The following NADSYN1 variants were observed in gnomAD, a reference collection of about 807,000 sequenced individuals.
NADSYN1 encodes the protein glutamine-dependent NAD(+) synthetase.
A neutral mutation model predicts 99.3 loss-of-function variants in NADSYN1; 80 were observed. That is an observed-to-expected ratio of 0.81 (90% CI 0.67 to 0.97). NADSYN1 has a LOEUF of 0.97. Ranked by LOEUF, NADSYN1 falls within the 50% of genes least tolerant of loss-of-function variation. The pLI, the probability that NADSYN1 is intolerant of heterozygous loss-of-function variation, is 0.00. For synonymous variants in NADSYN1, 385 were observed against 372.1 expected (o/e 1.03, Z -0.40); for missense variants, 859 against 948.5 (o/e 0.91, Z 1.24).
intron 9 of NADSYN1, chr11:71,476,160 C>T (rs1273672841): frequency 2.2e-6 from 1 of 455,404 alleles, no homozygotes; most frequent in African/African-American, 2.0e-5. Flanking sequence ...CTCTCGGGCT[C>T]AGACCACACG....
At chr11:71,488,036 T>A (rs1370433489) in intron 16 of NADSYN1, among the ~76,000 whole-genome samples, 4 of 152,118 alleles carry the variant, frequency 2.6e-5, no homozygotes, top group Non-Finnish European at 5.9e-5. Flanking sequence ...AGTCCTTCTC[T>A]TCCTCTGTGT....
chr11:71,453,766 A>C (rs1345267478), intron 1 of NADSYN1, among the ~76,000 whole-genome samples: 2 of 152,098 alleles, frequency 1.3e-5, no homozygotes, highest in Admixed American at 6.5e-5. Context: ...CAGAGGCCAG[A>C]GATTGATGGT....
At chr11:71,471,229 C>T (rs1949624874) in intron 5 of NADSYN1, among the ~76,000 whole-genome samples, 1 of 152,200 alleles carries the variant, frequency 6.6e-6, no homozygotes, top group Non-Finnish European at 1.5e-5. Flanking sequence ...GAAGGTGAGG[C>T]TGGAGCCCAC....
At chr11:71,467,240 G>A (rs545678442) in intron 5 of NADSYN1, among the ~76,000 whole-genome samples, 1 of 152,296 alleles carries the variant, frequency 6.6e-6, no homozygotes, top group African/African-American at 2.4e-5. Flanking sequence ...TTCAGGAAGT[G>A]TCCAGTCTCC....
chr11:71,458,379 C>A, intron 2 of NADSYN1, 49 bp from the exon 3 acceptor site: 1 of 1,457,052 alleles, frequency 6.9e-7, no homozygotes, highest in South Asian at 1.1e-5. Context: ...CTGCCCCTCC[C>A]CGCTCACCTG....
At chr11:71,495,732 G>A (rs1400636161) in intron 18 of NADSYN1, among the ~76,000 whole-genome samples, 1 of 152,252 alleles carries the variant, frequency 6.6e-6, no homozygotes. Context: ...CCCGTCAGGT[G>A]CTGGGGACCC....
chr11:71,489,382 C>G (rs1364573312), intron 16 of NADSYN1, among the ~76,000 whole-genome samples: 1 of 152,152 alleles, frequency 6.6e-6, no homozygotes, highest in Non-Finnish European at 1.5e-5. Context: ...TCCCCATGGT[C>G]CCCACTTCCT....
intron 5 of NADSYN1, among the ~76,000 whole-genome samples, chr11:71,467,382 G>C (rs1350172572): frequency 1.3e-5 from 2 of 152,162 alleles, no homozygotes; most frequent in Non-Finnish European, 2.9e-5. Flanking sequence ...TAAGGAAAAT[G>C]AGAAGCTCAG....
chr11:71,476,836 G>A (rs1949670197), intron 9 of NADSYN1: 15 of 985,684 alleles, frequency 1.5e-5, no homozygotes, highest in African/African-American at 1.7e-5. Flanking sequence ...CCACCAAATC[G>A]GAGTCCTCGG....
chr11:71,498,668 A>G (rs1296017416), intron 20 of NADSYN1, 140 bp downstream of exon 20: 1 of 918,878 alleles, frequency 1.1e-6, no homozygotes, highest in Admixed American at 2.9e-5. Flanking sequence ...AGGGACAAGT[A>G]TGTTTAAAGC....
chr11:71,498,629 T>A, intron 20 of NADSYN1, 101 bp downstream of exon 20: 1 of 1,330,980 alleles, frequency 7.5e-7, no homozygotes. Context: ...ATATACACAG[T>A]AACTTTTTTA....
intron 4 of NADSYN1, among the ~76,000 whole-genome samples, chr11:71,463,781 A>G (rs1949567507): frequency 6.6e-6 from 1 of 152,036 alleles, no homozygotes; most frequent in Non-Finnish European, 1.5e-5. Flanking sequence ...CAGGTGAGCA[A>G]GTTCCCTTGG....
chr11:71,479,639 G>A (rs1949691664), intron 10 of NADSYN1: 1 of 151,722 alleles, frequency 6.6e-6, no homozygotes, highest in African/African-American at 2.4e-5. Context: ...TCATTGGGAT[G>A]AAATCACACA....
intron 9 of NADSYN1, among the ~76,000 whole-genome samples, chr11:71,478,031 G>C (rs770624365): frequency 1.4e-5 from 2 of 146,204 alleles, no homozygotes; most frequent in Non-Finnish European, 2.9e-5. Context: ...TTACTGACAG[G>C]GGTGTGTCTT....
chr11:71,453,531 G>T (rs1949494254), intron 1 of NADSYN1, 150 bp downstream of exon 1: 2 of 691,622 alleles, frequency 2.9e-6, no homozygotes, highest in South Asian at 1.8e-5. Flanking sequence ...CAATGACCCC[G>T]CCAGTGGTAC....
intron 16 of NADSYN1, among the ~76,000 whole-genome samples, chr11:71,490,471 A>G (rs1376228921): frequency 6.6e-6 from 1 of 152,094 alleles, no homozygotes; most frequent in Non-Finnish European, 1.5e-5. Flanking sequence ...CAGGCCTCAG[A>G]GTTGACAGGC....
intron 9 of NADSYN1, chr11:71,474,812 A>C: frequency 9.7e-6 from 4 of 413,812 alleles, no homozygotes; most frequent in Non-Finnish European, 1.4e-5. Flanking sequence ...ATGGCCTCAA[A>C]TTTACCTGGT....
At chr11:71,464,375 G>T (rs149254314) in intron 5 of NADSYN1, 286 of 471,330 alleles carry the variant, frequency 6.1e-4, no homozygotes, top group Middle Eastern at 1.2e-3. Flanking sequence ...CCCGGCAGGG[G>T]CTCAGGGCGC....
At chr11:71,501,219 C>G (rs12295554) in intron 20 of NADSYN1, 83 bp from the exon 21 acceptor site, 59 of 1,299,270 alleles carry the variant, frequency 4.5e-5, no homozygotes, top group Non-Finnish European at 5.7e-5. Context: ...GGACTTGTGA[C>G]CCGCTTTTGG....
Sources: allele counts gnomAD v4.1 joint callset (sites outside exome capture counted in the v4.1 genomes callset), GRCh38; gene constraint gnomAD v4.1.1; transcripts MANE v1.5; gene names NCBI Gene and HGNC (gene_info 2026-07-23, HGNC 2026-07-21).